OR2L13: variants seen among roughly 807,000 people sequenced by gnomAD.
The protein encoded by OR2L13 is olfactory receptor family 2 subfamily L member 13.
OR2L13 carries 14 observed loss-of-function variants against 15.3 expected under a neutral mutation model. That is an observed-to-expected ratio of 0.91 (90% CI 0.60 to 1.43). OR2L13 has a LOEUF of 1.43. Among genes scored for constraint, OR2L13 ranks in the 40% most tolerant of loss-of-function variants. The probability of loss-of-function intolerance (pLI) is 0.00; values close to 1 mark genes in which losing one functional copy is unlikely to be tolerated. For synonymous variants in OR2L13, 152 were observed against 142.9 expected (o/e 1.06, Z -0.45); for missense variants, 367 against 387.9 (o/e 0.95, Z 0.45).
chr1:247,949,852 T>C, the OR2L13 span: 24 of 1,380,840 alleles, frequency 1.7e-5, no homozygotes, highest in Non-Finnish European at 2.3e-5. Context: ...CAGCAGTGTA[T>C]AGTAATTAAA....
chr1:248,000,461 T>A, the OR2L13 span, among the ~76,000 whole-genome samples: 4 of 152,272 alleles, frequency 2.6e-5, no homozygotes, highest in Middle Eastern at 3.4e-3. Context: ...TAAATTAGAG[T>A]ACTTTCTTCA....
the OR2L13 span, among the ~76,000 whole-genome samples, chr1:248,017,393 A>T: frequency 6.6e-6 from 1 of 152,190 alleles, no homozygotes; most frequent in East Asian, 1.9e-4. Context: ...TAGAATTAGA[A>T]CCCTGAAACA....
At chr1:248,038,681 A>G in the OR2L13 span, 1 of 1,614,080 alleles carries the variant, frequency 6.2e-7, no homozygotes. Flanking sequence ...TAAGCAAAAG[A>G]GTGTGTGTGA....
At chr1:248,052,639 G>GA in the OR2L13 span, among the ~76,000 whole-genome samples, 4 of 152,132 alleles carry the variant, frequency 2.6e-5, no homozygotes, top group African/African-American at 9.7e-5. Context: ...GCTAAGCCAG[G>GA]AGAATGGTGT....
At chr1:248,008,193 T>A in the OR2L13 span, among the ~76,000 whole-genome samples, 1 of 152,276 alleles carries the variant, frequency 6.6e-6, no homozygotes, top group South Asian at 2.1e-4. Context: ...TTGACCTGAA[T>A]AAATAAACTT....
the OR2L13 span, chr1:247,948,806 G>T: frequency 6.8e-7 from 1 of 1,464,754 alleles, no homozygotes; most frequent in Non-Finnish European, 9.3e-7. Flanking sequence ...GCGAATTACT[G>T]TACGTAAATT....
At chr1:247,991,045 C>T in the OR2L13 span, 227 of 1,557,784 alleles carry the variant, frequency 1.5e-4, no homozygotes, top group African/African-American at 3.8e-4. Flanking sequence ...TACCTATCTA[C>T]GCCCAAGATC....
At chr1:247,976,651 T>C in the OR2L13 span, among the ~76,000 whole-genome samples, 1 of 152,176 alleles carries the variant, frequency 6.6e-6, no homozygotes, top group East Asian at 1.9e-4. Flanking sequence ...CAATAATCAA[T>C]CAATCTAGAC....
the OR2L13 span, chr1:247,990,362 C>T: frequency 2.6e-4 from 400 of 1,546,772 alleles, no homozygotes; most frequent in Non-Finnish European, 3.4e-4. Context: ...TCATTAATTT[C>T]GTTTTCCTAA....
chr1:248,076,479 C>T, the OR2L13 span, among the ~76,000 whole-genome samples: 1,979 of 152,274 alleles, frequency 0.013, 18 homozygotes, highest in Non-Finnish European at 0.019. Context: ...TATCCATGAG[C>T]ATGGAATATT....
At chr1:247,981,969 C>T in the OR2L13 span, among the ~76,000 whole-genome samples, 2 of 151,990 alleles carry the variant, frequency 1.3e-5, no homozygotes, top group African/African-American at 2.4e-5. Context: ...GCTCCCGCCA[C>T]CACGCCCGGC....
the OR2L13 span, among the ~76,000 whole-genome samples, chr1:248,033,612 T>G: frequency 2.3e-4 from 30 of 131,708 alleles, no homozygotes; most frequent in African/African-American, 5.6e-4. Context: ...AATTTTTGTT[T>G]TTTTTTTTTT....
the OR2L13 span, among the ~76,000 whole-genome samples, chr1:248,085,451 AT>A: frequency 2.3e-5 from 3 of 131,500 alleles, no homozygotes; most frequent in East Asian, 4.5e-4. Flanking sequence ...AAATAAAAAA[AT>A]GTGTGCAGAG....
the OR2L13 span, among the ~76,000 whole-genome samples, chr1:248,081,821 A>G: frequency 2.0e-5 from 3 of 152,226 alleles, no homozygotes; most frequent in African/African-American, 7.2e-5. Flanking sequence ...TGGTTAAGGT[A>G]CTATCTTAAA....
At chr1:248,060,968 G>C in the OR2L13 span, 15 of 1,614,040 alleles carry the variant, frequency 9.3e-6, no homozygotes, top group Non-Finnish European at 1.3e-5. Flanking sequence ...TTCACTGGGT[G>C]TGGGATTCAG....
chr1:247,976,144 A>G, the OR2L13 span, among the ~76,000 whole-genome samples: 1 of 152,166 alleles, frequency 6.6e-6, no homozygotes, highest in East Asian at 1.9e-4. Context: ...TTTTGGGGAT[A>G]AGCCAATTTG....
the OR2L13 span, chr1:248,022,166 C>T: frequency 6.2e-7 from 1 of 1,614,014 alleles, no homozygotes; most frequent in Non-Finnish European, 8.5e-7. Context: ...TAAATTACAT[C>T]TCTACGATTG....
the OR2L13 span, among the ~76,000 whole-genome samples, chr1:247,989,871 C>T: frequency 6.0e-3 from 920 of 152,172 alleles, 9 homozygotes; most frequent in African/African-American, 0.021. Context: ...GTTGCATTAC[C>T]GTGCCTACAT....
At chr1:247,998,181 G>A in the OR2L13 span, among the ~76,000 whole-genome samples, 1 of 152,108 alleles carries the variant, frequency 6.6e-6, no homozygotes. Flanking sequence ...ATAGAATTGA[G>A]GTGAATTTCA....
Sources: allele counts gnomAD v4.1 joint callset (sites outside exome capture counted in the v4.1 genomes callset), GRCh38; gene constraint gnomAD v4.1.1; transcripts MANE v1.5; gene names NCBI Gene and HGNC (gene_info 2026-07-23, HGNC 2026-07-21).